ITPR1: variants seen among roughly 807,000 people sequenced by gnomAD.
The protein encoded by ITPR1 is inositol 1,4,5-trisphosphate-gated calcium channel ITPR1.
A neutral mutation model predicts 318.4 loss-of-function variants in ITPR1; 96 were observed. That is an observed-to-expected ratio of 0.30 (90% CI 0.26 to 0.36). The LOEUF is 0.36. Among genes scored for constraint, ITPR1 ranks in the 10% least tolerant of loss-of-function variants. ITPR1 has a pLI of 1.00. For missense variants in ITPR1, 2,440 were observed against 3,460.2 expected, an observed-to-expected ratio of 0.71 and a Z score of 7.40; for synonymous variants, 1,312 against 1,289.9, an observed-to-expected ratio of 1.02 and a Z score of -0.37.
In ITPR1 at chr3:4,642,073, T is replaced by G. The variant is rs1340577937; in HGVS notation, c.367-20T>G. 1 of 1,557,138 alleles carries G rather than the reference T, an allele frequency of 6.4e-7. No homozygotes were observed. Among genetic ancestry groups the G allele is most frequent in the Non-Finnish European group, 8.7e-7 (1 of 1,152,688 alleles). Reference sequence around the variant, plus strand: ...TTCAGATTTGCTGACACTCACTTTATTCTCTTGGTGGGTTTTTAGCTCCTG... The same window carrying G: ...TTCAGATTTGCTGACACTCACTTTAGTCTCTTGGTGGGTTTTTAGCTCCTG... On this transcript the variant is annotated intron_variant, in intron 6 of 61. Transcript: ENST00000649015.
chr3:4,504,581 A>G (rs2081268631), intron 2 of ITPR1, among the ~76,000 whole-genome samples: 1 of 152,194 alleles, frequency 6.6e-6, no homozygotes, highest in African/African-American at 2.4e-5. Context: ...TGGGACAAGA[A>G]GGCAAGGAGG....
chr3:4,519,806 C>G (rs2082425843), intron 3 of ITPR1, among the ~76,000 whole-genome samples: 1 of 152,142 alleles, frequency 6.6e-6, no homozygotes, highest in South Asian at 2.1e-4. Context: ...TACTGAGCTG[C>G]CAGCCTTGGG....
chr3:4,585,119 C>G (rs1434424655), intron 4 of ITPR1, among the ~76,000 whole-genome samples: 1 of 152,182 alleles, frequency 6.6e-6, no homozygotes, highest in Admixed American at 6.5e-5. Flanking sequence ...TCTTGATACT[C>G]AGTTCAGTCC....
At chr3:4,495,717 G>A (rs1483125495) in intron 2 of ITPR1, among the ~76,000 whole-genome samples, 7 of 152,204 alleles carry the variant, frequency 4.6e-5, no homozygotes, top group African/African-American at 9.7e-5. Context: ...TCAGATGCAG[G>A]TGAAGAAACT....
At position 4,846,272 on chromosome 3, in the gene ITPR1, G is replaced by C. The variant is rs74998763; in HGVS notation, c.*47G>C. 25,019 of 1,277,966 alleles carry C rather than the reference G, an allele frequency of 0.02. 1,690 individuals carry two copies. The highest frequency in any genetic ancestry group is 0.18 in the South Asian group (14,167 of 77,566). The allele number at this position is 1,277,966 out of a possible 1,614,324, so 79.2% of individuals were successfully genotyped here. ...TATTTACCTTTTATAATTATTATTA[G>C]TGTGGGTATGGCTAATGAGTTCTGA... On this transcript the variant is annotated 3_prime_UTR_variant, in exon 62 of 62. Transcript: ENST00000649015.
At chr3:4,841,663 G>A (rs939976969) in intron 61 of ITPR1, among the ~76,000 whole-genome samples, 4 of 152,210 alleles carry the variant, frequency 2.6e-5, no homozygotes, top group Non-Finnish European at 5.9e-5. Flanking sequence ...ATGGAGAAAA[G>A]GGAGTGATTT....
At chr3:4,803,854 A>C (rs1164986196) in intron 54 of ITPR1, among the ~76,000 whole-genome samples, 1 of 152,158 alleles carries the variant, frequency 6.6e-6, no homozygotes, top group East Asian at 1.9e-4. Flanking sequence ...TATAATAAAT[A>C]ATTATTTAGA....
At chr3:4,743,045 A>G (rs1407194195) in intron 44 of ITPR1, among the ~76,000 whole-genome samples, 1 of 152,280 alleles carries the variant, frequency 6.6e-6, no homozygotes, top group Non-Finnish European at 1.5e-5. Context: ...TGCCACTAAT[A>G]GTAATGAGAG....
intron 4 of ITPR1, among the ~76,000 whole-genome samples, chr3:4,537,983 TATTA>T (rs1370726541): frequency 6.6e-6 from 1 of 152,226 alleles, no homozygotes; most frequent in Non-Finnish European, 1.5e-5. Flanking sequence ...ATTTTGGCTT[TATTA>T]ATTCTTTCTA....
At chr3:4,683,275 T>C in intron 26 of ITPR1, 111 bp from the exon 27 acceptor site, 1 of 1,006,374 alleles carries the variant, frequency 9.9e-7, no homozygotes, top group Non-Finnish European at 1.6e-6. Context: ...ATTGCATGTC[T>C]GGAGATCACA....
At position 4,846,261 on chromosome 3, in the gene ITPR1, AATT is replaced by A. The variant is rs1258089661; in HGVS notation, c.*44_*46del. ...GAAAGGAATTGTATTTACCTTTTAT[AATT>A]ATTATTAGTGTGGGTATGGCTAATG... On this transcript the variant is annotated 3_prime_UTR_variant, in exon 62 of 62. Transcript: ENST00000649015. The A allele has an allele frequency of 7.2e-7, 1 of 1,385,334 alleles. No homozygotes were observed. The highest frequency in any genetic ancestry group is 1.0e-6 in the Non-Finnish European group (1 of 997,156). 85.8% of individuals were successfully genotyped at this position (1,385,334 alleles called of 1,614,324 possible). A position where few individuals can be genotyped will look rare whatever the true frequency, so the allele number is the denominator to read the frequency against.
chr3:4,735,378 G>A lies in ITPR1; in HGVS notation c.5544+24G>A, dbSNP rs566694999. Reference sequence around the variant, plus strand: ...AGGTAGGAAGGCAGCTTGGCTACTGGTATGGCATCCCTGCTGAGCAGGAGG... The same window carrying A: ...AGGTAGGAAGGCAGCTTGGCTACTGATATGGCATCCCTGCTGAGCAGGAGG... On this transcript the variant is annotated intron_variant, in intron 44 of 61. Coordinates refer to ENST00000649015, the MANE Select transcript of ITPR1 (RefSeq NM_001378452.1). 5.3e-5 allele frequency: 85 copies of A among 1,591,500 alleles called. 4 individuals carry two copies. In the South Asian group the frequency reaches 8.4e-4, roughly 16 times the overall value.
intron 44 of ITPR1, among the ~76,000 whole-genome samples, chr3:4,755,466 T>C (rs2044899677): frequency 1.3e-5 from 2 of 151,962 alleles, no homozygotes; most frequent in East Asian, 3.9e-4. Flanking sequence ...CTTGAAATCC[T>C]GGGCTCAAGC....
In ITPR1 at chr3:4,493,557, C is replaced by G. The variant is rs1394319180; in HGVS notation, c.-141C>G. 1 of 152,908 alleles carries G rather than the reference C, an allele frequency of 6.5e-6. No homozygotes were observed. Among genetic ancestry groups the G allele is most frequent in the Non-Finnish European group, 1.5e-5 (1 of 68,180 alleles). The allele number at this position is 152,908 out of a possible 1,614,324, so 9.5% of individuals were successfully genotyped here. ...GGGATTACCCAGCGGCTGCTAACCC[C>G]TCTCCTCGCCCTGCTCCCCCAAACC... On this transcript the variant is annotated 5_prime_UTR_variant, in exon 1 of 62. Transcript: ENST00000649015.
At chr3:4,594,856 A>G (rs1160922128) in intron 4 of ITPR1, among the ~76,000 whole-genome samples, 1 of 152,210 alleles carries the variant, frequency 6.6e-6, no homozygotes, top group Non-Finnish European at 1.5e-5. Context: ...AGTACTGAGT[A>G]TGCAGCAGTC....
chr3:4,688,037 TTTTG>T (rs1399838249), intron 30 of ITPR1, among the ~76,000 whole-genome samples: 2 of 152,096 alleles, frequency 1.3e-5, no homozygotes, highest in Non-Finnish European at 2.9e-5. Context: ...CAGTCCCTGT[TTTTG>T]TTTACTTTTA....
intron 44 of ITPR1, among the ~76,000 whole-genome samples, chr3:4,744,249 TA>T (rs2043918538): frequency 6.6e-6 from 1 of 152,254 alleles, no homozygotes; most frequent in South Asian, 2.1e-4. Context: ...GAAATTTTTG[TA>T]AAGTGAGGCA....
chr3:4,705,471 G>A (rs964116657), intron 36 of ITPR1, among the ~76,000 whole-genome samples: 1 of 152,142 alleles, frequency 6.6e-6, no homozygotes, highest in Non-Finnish European at 1.5e-5. Flanking sequence ...TTCTGTTCCA[G>A]GATTTGGTCC....
At position 4,818,173 on chromosome 3, in the gene ITPR1, C is replaced by T. The variant is rs371988852; in HGVS notation, c.7959C>T (p.Ile2653=). The change falls in exon 60 of 62, where the codon ATC becomes ATT. Residue 2653 remains isoleucine, a synonymous_variant. Transcript: ENST00000649015. ...ACATGTGGCACTATCTGTGCTTCAT[C>T]GTCCTGGTGAAAGTAAAGGACTCCA... ...EHNMWHYLCF[I]VLVKVKDSTE... The T allele has an allele frequency of 1.1e-4, 181 of 1,604,930 alleles. 1 individual carries two copies. The highest frequency in any genetic ancestry group is 1.0e-3 in the African/African-American group (75 of 74,964).
Sources: gnomAD v4.1 joint callset for allele counts (sites outside exome capture counted in the v4.1 genomes callset) on GRCh38, gnomAD v4.1.1 for gene constraint, MANE v1.5 for transcripts, NCBI Gene and HGNC (gene_info 2026-07-23, HGNC 2026-07-21) for gene names.